The following GRIK1 variants were observed in gnomAD, a reference collection of about 807,000 sequenced individuals.
The protein encoded by GRIK1 is glutamate ionotropic receptor kainate type subunit 1.
In GRIK1, 69 loss-of-function variants were observed where a neutral mutation model predicts 105.7. The observed-to-expected ratio is 0.65, with a 90% CI of 0.54 to 0.80. The LOEUF is 0.80. Ranked by LOEUF, GRIK1 falls within the 30% of genes least tolerant of loss-of-function variation. GRIK1 has a pLI of 0.00. For synonymous variants in GRIK1, 438 were observed against 431.3 expected (o/e 1.02, Z -0.19); for missense variants, 1,109 against 1,167.3 (o/e 0.95, Z 0.73).
chr21:29,622,512 G>A (rs1013803852), intron 7 of GRIK1, among the ~76,000 whole-genome samples: 4 of 152,130 alleles, frequency 2.6e-5, no homozygotes, highest in Admixed American at 2.0e-4. Context: ...GGCAGTGTTG[G>A]TTATCCCTGG....
chr21:29,543,355 C>A (rs1179347102), intron 16 of GRIK1, among the ~76,000 whole-genome samples: 1 of 152,154 alleles, frequency 6.6e-6, no homozygotes, highest in Non-Finnish European at 1.5e-5. Flanking sequence ...ACCTATCTGT[C>A]CACAGATTTC....
chr21:29,933,361 T>C (rs2071639230), intron 1 of GRIK1, among the ~76,000 whole-genome samples: 1 of 152,202 alleles, frequency 6.6e-6, no homozygotes, highest in Non-Finnish European at 1.5e-5. Flanking sequence ...GCCTCAAGTG[T>C]GCTCTGGGGA....
rs150467580 is a variant in GRIK1, at chr21:29,870,746, T to C, written c.118+68637A>G. ...TTCCTAAATCCAGTCTAGTTTTCTGTCAACCTCCACAGTAGAACCAGAATT... is the reference window on the plus strand; with the variant it reads ...TTCCTAAATCCAGTCTAGTTTTCTGCCAACCTCCACAGTAGAACCAGAATT... On this transcript the variant is annotated intron_variant, in intron 1 of 17. Coordinates refer to ENST00000327783, the MANE Select transcript of GRIK1 (RefSeq NM_001330994.2). Among the ~76,000 whole-genome samples the C allele has an allele frequency of 1.1e-3, 163 of 152,236 alleles. 1 individual carries two copies. Among genetic ancestry groups the C allele is most frequent in the African/African-American group, 3.8e-3 (156 of 41,542 alleles).
intron 15 of GRIK1, among the ~76,000 whole-genome samples, chr21:29,560,400 C>CCTTTCTTTCTTTCTTTCTTTCTTT (rs1167564962): frequency 2.1e-4 from 14 of 67,120 alleles, no homozygotes; most frequent in African/African-American, 1.0e-3. Context: ...TTCCTTCCTT[C>CCTTTCTTTCTTTCTTTCTTTCTTT]CTTTCTTTCT....
intron 1 of GRIK1, among the ~76,000 whole-genome samples, chr21:29,839,059 C>CTTTTCTTTTCTTTTCT (rs3835376): frequency 4.6e-5 from 7 of 151,554 alleles, no homozygotes; most frequent in African/African-American, 1.7e-4. Flanking sequence ...CTTTTCTTTT[C>CTTTTCTTTTCTTTTCT]TTTTTTTTGA....
chr21:29,555,267 G>A lies in GRIK1; in HGVS notation c.2392C>T (p.Leu798Phe), dbSNP rs1256357263. 6.2e-7 allele frequency: 1 copy of A among 1,613,260 alleles called. No homozygotes were observed. Among genetic ancestry groups the A allele is most frequent in the Non-Finnish European group, 8.5e-7 (1 of 1,179,482 alleles). Reference protein sequence around the residue: ...PYRDKITIAILQLQEEGKLHM... With the variant: ...PYRDKITIAIFQLQEEGKLHM... ...AGCTTCCCTTCTTCTTGGAGTTGAA[G>A]AATAGCAATAGTAATTTTATCCCGG... Residue 798 changes from leucine (L) to phenylalanine (F), a missense_variant, in exon 16 of 18, where the codon CTT becomes TTT. Leu to Phe is a conservative substitution (Grantham distance 22). This residue lies in a region of GRIK1 where 18 missense variants were observed against 42.8 expected (regional missense o/e 0.42). Transcript: ENST00000327783.
intron 5 of GRIK1, among the ~76,000 whole-genome samples, 163 bp downstream of exon 5, chr21:29,654,643 GAAAA>G (rs564139441): frequency 0.032 from 3,052 of 94,282 alleles, 42 homozygotes; most frequent in African/African-American, 0.095. Flanking sequence ...AAGAAAGAAA[GAAAA>G]AAAGCCTGCT....
At chr21:29,691,266 G>A (rs4817300) in intron 2 of GRIK1, among the ~76,000 whole-genome samples, 27,361 of 152,158 alleles carry the variant, frequency 0.18, 4,921 homozygotes, top group African/African-American at 0.45. Context: ...AACTGAGATA[G>A]CACCACAGAA....
At chr21:29,796,260 T>C (rs890203893) in intron 1 of GRIK1, among the ~76,000 whole-genome samples, 2 of 152,200 alleles carry the variant, frequency 1.3e-5, no homozygotes, top group African/African-American at 4.8e-5. Context: ...TTAGTCTTCA[T>C]TCTATCCCCA....
At chr21:29,576,439 T>C (rs2090895705) in intron 14 of GRIK1, among the ~76,000 whole-genome samples, 1 of 152,212 alleles carries the variant, frequency 6.6e-6, no homozygotes, top group African/African-American at 2.4e-5. Context: ...GGACTCAGTA[T>C]TAGACCAGAG....
chr21:29,922,881 A>G (rs1281495757), intron 1 of GRIK1, among the ~76,000 whole-genome samples: 1 of 152,180 alleles, frequency 6.6e-6, no homozygotes, highest in African/African-American at 2.4e-5. Flanking sequence ...CCTCAGGAAG[A>G]ATCTCAGATG....
chr21:29,690,038 G>C (rs751712031), intron 2 of GRIK1, 53 bp from the exon 3 acceptor site: 2 of 1,353,636 alleles, frequency 1.5e-6, no homozygotes, highest in Non-Finnish European at 2.1e-6. Flanking sequence ...GAAAGGGGGA[G>C]AGAAAAAGAG....
chr21:29,722,353 G>A (rs1056295776), intron 1 of GRIK1, among the ~76,000 whole-genome samples: 13 of 152,108 alleles, frequency 8.5e-5, no homozygotes, highest in Admixed American at 8.5e-4. Flanking sequence ...TCAGGAGATC[G>A]AGACCATCCT....
intron 1 of GRIK1, among the ~76,000 whole-genome samples, chr21:29,894,135 C>T (rs962385954): frequency 6.6e-6 from 1 of 152,036 alleles, no homozygotes; most frequent in African/African-American, 2.4e-5. Flanking sequence ...TCAGGGTTCT[C>T]TAGAGGGACA....
intron 1 of GRIK1, among the ~76,000 whole-genome samples, chr21:29,735,734 T>TA (rs2064773035): frequency 6.6e-6 from 1 of 151,012 alleles, no homozygotes; most frequent in Non-Finnish European, 1.5e-5. Flanking sequence ...CCGTCTCTAT[T>TA]AAAATTACAA....
Position 29,556,233 on chromosome 21 carries a change from C to T in GRIK1, c.2357-931G>A, listed in dbSNP as rs193166638. Among the ~76,000 whole-genome samples the T allele has an allele frequency of 2.0e-5, 3 of 152,328 alleles. No homozygotes were observed. In the East Asian group the frequency reaches 5.8e-4, roughly 29 times the overall value. ...AATATGCATGTGTCAGGATCATCTT[C>T]ATAAATATTCATAGCTCCGCCTGTA... is the stretch of plus-strand genomic sequence containing the variant. On this transcript the variant is annotated intron_variant, in intron 15 of 17. Transcript: ENST00000327783.
intron 14 of GRIK1, among the ~76,000 whole-genome samples, chr21:29,572,564 T>C (rs1007146902): frequency 6.6e-6 from 1 of 152,290 alleles, no homozygotes; most frequent in Admixed American, 6.5e-5. Flanking sequence ...TGGGCACTCT[T>C]TTAGATTCTG....
chr21:29,631,158 G>A (rs2062262841), intron 7 of GRIK1, among the ~76,000 whole-genome samples: 1 of 152,158 alleles, frequency 6.6e-6, no homozygotes, highest in African/African-American at 2.4e-5. Flanking sequence ...TGCTGGTAAA[G>A]CTAAAAATGC....
rs1601815083 is a variant in GRIK1, at chr21:29,835,644, C to T, written c.118+103739G>A. Among the ~76,000 whole-genome samples, 5 of 152,096 alleles carry T rather than the reference C, an allele frequency of 3.3e-5. 1 individual carries two copies. In the South Asian group the frequency reaches 1.0e-3, roughly 32 times the overall value. On this transcript the variant is annotated intron_variant, in intron 1 of 17. Coordinates refer to ENST00000327783, the MANE Select transcript of GRIK1 (RefSeq NM_001330994.2). ...AGGGAGGAATTCTGGGGCTTCAAAC[C>T]TCTCGGGATCTTTAAGGCTATATTT...
Sources: allele counts gnomAD v4.1 joint callset (sites outside exome capture counted in the v4.1 genomes callset), GRCh38; gene constraint gnomAD v4.1.1; regional missense constraint gnomAD v4.1.1; transcripts MANE v1.5; gene names NCBI Gene and HGNC (gene_info 2026-07-23, HGNC 2026-07-21).